Variants in SDK1 observed in about 807,000 individuals in gnomAD.
SDK1 encodes the protein protein sidekick-1.
SDK1 carries 157 observed loss-of-function variants against 245.5 expected under a neutral mutation model. That is an observed-to-expected ratio of 0.64 (90% CI 0.56 to 0.73). The LOEUF is 0.73. Ranked by LOEUF, SDK1 falls within the 30% of genes least tolerant of loss-of-function variation. The pLI, the probability that SDK1 is intolerant of heterozygous loss-of-function variation, is 0.00. For missense variants in SDK1, 3,583 were observed against 3,002.3 expected, an observed-to-expected ratio of 1.19 and a Z score of -4.52; for synonymous variants, 1,647 against 1,278.5, an observed-to-expected ratio of 1.29 and a Z score of -6.15.
chr7:4,248,503 T>C (rs1787061649), intron 44 of SDK1, among the ~76,000 whole-genome samples: 1 of 148,828 alleles, frequency 6.7e-6, no homozygotes, highest in Non-Finnish European at 1.5e-5. Context: ...TATACACACC[T>C]AAATACACAT....
chr7:3,674,623 C>T (rs1308639837), intron 4 of SDK1, among the ~76,000 whole-genome samples: 1 of 152,154 alleles, frequency 6.6e-6, no homozygotes, highest in African/African-American at 2.4e-5. Context: ...GATTCTAAGA[C>T]TTTATTCCAT....
intron 1 of SDK1, among the ~76,000 whole-genome samples, chr7:3,498,715 T>G (rs1178426688): frequency 6.6e-6 from 1 of 151,180 alleles, no homozygotes; most frequent in Non-Finnish European, 1.5e-5. Flanking sequence ...CTCAGAATGT[T>G]GCCTGTAGGC....
Position 4,058,668 on chromosome 7 carries a change from C to T in SDK1, c.2911+6838C>T, listed in dbSNP as rs926835976. ...AGTGGATTTATCAGCAGAAACCTTA[C>T]ATGCCAAGAGAAAAATGGGATGATA... On this transcript the variant is annotated intron_variant, in intron 19 of 44. Coordinates refer to ENST00000404826, the MANE Select transcript of SDK1 (RefSeq NM_152744.4). Among the ~76,000 whole-genome samples the T allele has an allele frequency of 4.6e-5, 7 of 152,156 alleles. No individual in the cohort carries two copies. In the East Asian group the frequency reaches 1.3e-3, roughly 29 times the overall value.
chr7:4,259,468 A>C (rs1305158703), intron 44 of SDK1, among the ~76,000 whole-genome samples: 1 of 152,192 alleles, frequency 6.6e-6, no homozygotes, highest in South Asian at 2.1e-4. Flanking sequence ...AACAGCCACA[A>C]ATACAGATCC....
At chr7:3,986,330 C>A (rs1198288104) in intron 13 of SDK1, among the ~76,000 whole-genome samples, 7 of 152,114 alleles carry the variant, frequency 4.6e-5, no homozygotes, top group Non-Finnish European at 7.3e-5. Context: ...CACACTTCCT[C>A]CAAATCCCCA....
At chr7:4,125,481 G>GGATT (rs905481449) in intron 25 of SDK1, among the ~76,000 whole-genome samples, 2 of 142,154 alleles carry the variant, frequency 1.4e-5, no homozygotes, top group Non-Finnish European at 3.2e-5. Flanking sequence ...ATCACTGGAT[G>GGATT]GATTGATTGA....
chr7:4,141,229 C>G (rs1421253101), intron 28 of SDK1, among the ~76,000 whole-genome samples: 1 of 152,144 alleles, frequency 6.6e-6, no homozygotes, highest in Non-Finnish European at 1.5e-5. Context: ...AGGCAGGGCT[C>G]ACCTTGGAGG....
At chr7:3,669,009 T>C (rs1465141674) in intron 4 of SDK1, among the ~76,000 whole-genome samples, 1 of 152,118 alleles carries the variant, frequency 6.6e-6, no homozygotes, top group African/African-American at 2.4e-5. Flanking sequence ...AAAAGGACAA[T>C]TGGCCACATA....
At chr7:4,181,707 G>A (rs937449297) in intron 35 of SDK1, among the ~76,000 whole-genome samples, 1 of 152,202 alleles carries the variant, frequency 6.6e-6, no homozygotes, top group African/African-American at 2.4e-5. Flanking sequence ...TCCCACAGAA[G>A]GGAAAGGAAA....
chr7:3,360,831 A>C (rs4286835), intron 1 of SDK1, among the ~76,000 whole-genome samples: 37,656 of 151,946 alleles, frequency 0.25, 5,039 homozygotes, highest in East Asian at 0.38. Flanking sequence ...GTGCTGGGAG[A>C]TAGTGGGGGG....
intron 4 of SDK1, among the ~76,000 whole-genome samples, chr7:3,765,284 A>G (rs535850522): frequency 5.0e-4 from 76 of 152,350 alleles, no homozygotes; most frequent in African/African-American, 1.7e-3. Context: ...ATTCCATTGT[A>G]TGAATATACC....
At chr7:3,911,287 G>A (rs1779155230) in intron 5 of SDK1, among the ~76,000 whole-genome samples, 1 of 152,108 alleles carries the variant, frequency 6.6e-6, no homozygotes, top group Non-Finnish European at 1.5e-5. Flanking sequence ...CTTTAGGAAG[G>A]GGCAGCAATC....
intron 27 of SDK1, 92 bp downstream of exon 27, chr7:4,130,189 T>A: frequency 7.4e-7 from 1 of 1,346,460 alleles, no homozygotes; most frequent in Non-Finnish European, 1.0e-6. Context: ...GCTTTTAACT[T>A]AATTTTCAAA....
chr7:3,377,529 G>T (rs1781384037), intron 1 of SDK1, among the ~76,000 whole-genome samples: 1 of 152,070 alleles, frequency 6.6e-6, no homozygotes, highest in African/African-American at 2.4e-5. Context: ...GTCAGGAGGT[G>T]CAGCAGTGTA....
intron 1 of SDK1, among the ~76,000 whole-genome samples, chr7:3,612,893 G>T (rs913608159): frequency 9.9e-5 from 15 of 152,024 alleles, no homozygotes; most frequent in African/African-American, 3.6e-4. Context: ...GGACTTTGTG[G>T]GCTTCACAGA....
At chr7:3,403,824 CATATATATATATATATATAT>C (rs10650660) in intron 1 of SDK1, among the ~76,000 whole-genome samples, 1,348 of 60,722 alleles carry the variant, frequency 0.022, 39 homozygotes, top group African/African-American at 0.041. Flanking sequence ...AAATATCTTA[CATATATATATATATATATAT>C]ATATATATAT....
chr7:3,370,691 G>A (rs781508630), intron 1 of SDK1, among the ~76,000 whole-genome samples: 1 of 152,210 alleles, frequency 6.6e-6, no homozygotes, highest in African/African-American at 2.4e-5. Flanking sequence ...AACAGATTGC[G>A]AATGGTCTTG....
intron 14 of SDK1, among the ~76,000 whole-genome samples, chr7:3,998,198 T>C (rs1419640846): frequency 6.6e-6 from 1 of 152,124 alleles, no homozygotes; most frequent in Non-Finnish European, 1.5e-5. Flanking sequence ...CCCCGGGAGC[T>C]CCCGCCCCAA....
intron 20 of SDK1, among the ~76,000 whole-genome samples, chr7:4,075,580 T>C (rs1780617205): frequency 6.6e-6 from 1 of 152,114 alleles, no homozygotes; most frequent in Admixed American, 6.5e-5. Context: ...AAAGACACTT[T>C]TAAGTGCTCT....
Sources: allele counts gnomAD v4.1 joint callset (sites outside exome capture counted in the v4.1 genomes callset), GRCh38; gene constraint gnomAD v4.1.1; transcripts MANE v1.5; gene names NCBI Gene and HGNC (gene_info 2026-07-23, HGNC 2026-07-21).